The following NAALADL2 variants were observed in gnomAD, a reference collection of about 807,000 sequenced individuals.
The protein encoded by NAALADL2 is N-acetylated alpha-linked acidic dipeptidase like 2.
A neutral mutation model predicts 87.2 loss-of-function variants in NAALADL2; 76 were observed. The observed-to-expected ratio is 0.87, with a 90% CI of 0.72 to 1.05. NAALADL2 has a LOEUF of 1.05. Among genes scored for constraint, NAALADL2 ranks in the 50% least tolerant of loss-of-function variants. NAALADL2 has a pLI of 0.00. For synonymous variants in NAALADL2, 354 were observed against 331.0 expected (o/e 1.07, Z -0.75); for missense variants, 1,089 against 945.8 (o/e 1.15, Z -1.99).
chr3:174,854,551 C>G (rs562934668), upstream of NAALADL2, among the ~76,000 whole-genome samples: 2 of 152,098 alleles, frequency 1.3e-5, no homozygotes, highest in Admixed American at 6.5e-5. Context: ...GATTTTAACA[C>G]AAAAATTATG....
intron 1 of NAALADL2, among the ~76,000 whole-genome samples, chr3:174,885,876 G>GTTTTTTTTTT (rs60403770): frequency 9.8e-6 from 1 of 101,690 alleles, no homozygotes; most frequent in Non-Finnish European, 2.0e-5. Context: ...AGTCCGAGTT[G>GTTTTTTTTTT]TTTTTTTTTT....
chr3:174,488,927 TATAAACACATGATACC>T (rs1037368875), intron 1 of NAALADL2, among the ~76,000 whole-genome samples: 10 of 152,140 alleles, frequency 6.6e-5, no homozygotes, highest in African/African-American at 1.4e-4. Context: ...TAAAACGGCT[TATAAACACATGATACC>T]ATTGCCCAGT....
intron 1 of NAALADL2, among the ~76,000 whole-genome samples, chr3:175,078,694 C>T (rs1169276631): frequency 1.3e-5 from 2 of 152,104 alleles, no homozygotes; most frequent in Non-Finnish European, 2.9e-5. Flanking sequence ...AATACGTGGT[C>T]TTTTGTGACT....
intron 2 of NAALADL2, among the ~76,000 whole-genome samples, chr3:174,700,592 T>C (rs1729460426): frequency 6.6e-6 from 1 of 152,164 alleles, no homozygotes; most frequent in African/African-American, 2.4e-5. Context: ...AAAAAATGTA[T>C]TGAATGCTTT....
intron 2 of NAALADL2, among the ~76,000 whole-genome samples, chr3:174,632,548 G>T (rs1302149689): frequency 1.3e-5 from 2 of 152,042 alleles, no homozygotes; most frequent in African/African-American, 4.8e-5. Flanking sequence ...TTTTTATTCA[G>T]GGTTCATTTT....
intron 4 of NAALADL2, among the ~76,000 whole-genome samples, chr3:175,308,587 C>G (rs1034464705): frequency 1.3e-5 from 2 of 152,050 alleles, no homozygotes. Flanking sequence ...TAAATTAGAG[C>G]CAGGATGGGC....
At chr3:175,288,476 A>G (rs895408410) in intron 4 of NAALADL2, among the ~76,000 whole-genome samples, 4 of 152,186 alleles carry the variant, frequency 2.6e-5, no homozygotes, top group Admixed American at 6.5e-5. Context: ...AACACCTCAA[A>G]TTAAGCATTT....
chr3:175,276,900 A>G (rs778708902), intron 4 of NAALADL2, among the ~76,000 whole-genome samples: 2 of 152,040 alleles, frequency 1.3e-5, no homozygotes, highest in Non-Finnish European at 2.9e-5. Context: ...CCCATTCTCA[A>G]TTCCAGAGGC....
At chr3:175,616,456 T>C (rs1236718728) in intron 10 of NAALADL2, among the ~76,000 whole-genome samples, 1 of 152,154 alleles carries the variant, frequency 6.6e-6, no homozygotes, top group African/African-American at 2.4e-5. Context: ...GAGTCATTAC[T>C]TACATCTCAT....
intron 2 of NAALADL2, among the ~76,000 whole-genome samples, chr3:175,119,248 A>G (rs901274600): frequency 6.6e-6 from 1 of 151,762 alleles, no homozygotes; most frequent in East Asian, 1.9e-4. Context: ...ATAAAGTGCC[A>G]TATAACCAAA....
intron 1 of NAALADL2, among the ~76,000 whole-genome samples, chr3:174,539,456 CT>C (rs1722023987): frequency 6.6e-6 from 1 of 152,186 alleles, no homozygotes; most frequent in South Asian, 2.1e-4. Context: ...AGTGTGGACA[CT>C]TTTGGTTTAG....
chr3:175,585,191 G>A (rs1434203767), intron 10 of NAALADL2, among the ~76,000 whole-genome samples: 1 of 150,966 alleles, frequency 6.6e-6, no homozygotes, highest in Non-Finnish European at 1.5e-5. Flanking sequence ...AAAAACTAAG[G>A]CACAGACACA....
At position 174,761,227 on chromosome 3, in the gene NAALADL2, G is replaced by T. The variant is rs551213037; in HGVS notation, c.-9+23481G>T. 1.3e-4 allele frequency among the ~76,000 whole-genome samples: 20 copies of T among 152,112 alleles called. No individual in the cohort carries two copies. The South Asian group carries it at 1.9e-3, about 14-fold the overall frequency. On this transcript the variant is annotated intron_variant, in intron 3 of 3. Transcript: ENST00000434257. ...CTATCTTATAATGACAATTACATTT[G>T]ATTATTCTGATTTGGCAATTTTCAT...
At chr3:174,786,859 G>A (rs1716741655) in intron 3 of NAALADL2, among the ~76,000 whole-genome samples, 1 of 152,130 alleles carries the variant, frequency 6.6e-6, no homozygotes, top group East Asian at 1.9e-4. Flanking sequence ...AAATTAAATT[G>A]TCGTCTTCTC....
chr3:174,494,925 A>AT (rs1465695354), intron 1 of NAALADL2, among the ~76,000 whole-genome samples: 1 of 152,100 alleles, frequency 6.6e-6, no homozygotes. Flanking sequence ...TAATTATGGA[A>AT]TTTTCAGATG....
intron 1 of NAALADL2, among the ~76,000 whole-genome samples, chr3:175,067,074 T>C (rs1440096140): frequency 6.6e-6 from 1 of 152,170 alleles, no homozygotes; most frequent in African/African-American, 2.4e-5. Flanking sequence ...AGAAATATGC[T>C]GAGTTTTCTT....
At chr3:175,059,653 A>T (rs1580239133) in intron 1 of NAALADL2, 1 of 360,540 alleles carries the variant, frequency 2.8e-6, no homozygotes, top group Non-Finnish European at 5.3e-6. Flanking sequence ...TCTTTGATTC[A>T]TTCTGGGCAA....
intron 3 of NAALADL2, among the ~76,000 whole-genome samples, chr3:174,832,562 C>T (rs532004319): frequency 2.6e-5 from 4 of 152,114 alleles, no homozygotes; most frequent in African/African-American, 2.4e-5. Context: ...CCCAGGTTCA[C>T]GCCATTCTCC....
intron 2 of NAALADL2, among the ~76,000 whole-genome samples, chr3:174,558,157 A>G (rs1424239747): frequency 2.0e-5 from 3 of 152,162 alleles, no homozygotes; most frequent in Non-Finnish European, 4.4e-5. Context: ...CTGATATCCA[A>G]GTTTCCAGAT....
Sources: gnomAD v4.1 joint callset for allele counts (sites outside exome capture counted in the v4.1 genomes callset) on GRCh38, gnomAD v4.1.1 for gene constraint, MANE v1.5 for transcripts, NCBI Gene and HGNC (gene_info 2026-07-23, HGNC 2026-07-21) for gene names.